Variants in BCL2L1 observed in about 807,000 individuals in gnomAD.
BCL2L1 encodes the protein BCL2 like 1, also known as bcl-2-like protein 1.
Under a neutral mutation model 18.7 loss-of-function variants are expected in BCL2L1, and 1 was observed. That is an observed-to-expected ratio of 0.05 (90% CI 0.02 to 0.25). The LOEUF (loss-of-function observed/expected upper bound fraction) is 0.25. BCL2L1 is among the 10% of genes least tolerant of loss of function. The pLI, the probability that BCL2L1 is intolerant of heterozygous loss-of-function variation, is 1.00. For missense variants in BCL2L1, 207 were observed against 304.9 expected (o/e 0.68, Z 2.39); for synonymous variants, 103 against 122.7 (o/e 0.84, Z 1.06).
upstream of BCL2L1, chr20:31,723,455 G>C (rs6121209): frequency 0.23 from 224,617 of 985,118 alleles, 29,146 homozygotes; most frequent in African/African-American, 0.53. Flanking sequence ...GAGGGCTCCG[G>C]GGCCGGGGGC....
At chr20:31,698,146 C>T (rs577756694) in intron 2 of BCL2L1, among the ~76,000 whole-genome samples, 1 of 152,246 alleles carries the variant, frequency 6.6e-6, no homozygotes, top group African/African-American at 2.4e-5. Flanking sequence ...CCTCGGCCTC[C>T]CAAAGTGCTG....
chr20:31,702,258 C>A (rs970104263), intron 2 of BCL2L1, among the ~76,000 whole-genome samples: 1 of 152,256 alleles, frequency 6.6e-6, no homozygotes, highest in East Asian at 1.9e-4. Flanking sequence ...GGAACCCATG[C>A]GGCTTGAGTG....
chr20:31,720,904 G>A (rs370449915), intron 2 of BCL2L1: 1 of 985,322 alleles, frequency 1.0e-6, no homozygotes, highest in Non-Finnish European at 1.2e-6. Context: ...AGCAGCTGGA[G>A]CTCCCCAACC....
At chr20:31,685,269 G>A (rs1034062564) in intron 2 of BCL2L1, among the ~76,000 whole-genome samples, 5 of 152,012 alleles carry the variant, frequency 3.3e-5, no homozygotes, top group South Asian at 2.1e-4. Context: ...GCGTGGTGGC[G>A]GGTGTCTGTA....
chr20:31,693,064 G>A (rs1301392537), intron 2 of BCL2L1, among the ~76,000 whole-genome samples: 2 of 139,848 alleles, frequency 1.4e-5, no homozygotes, highest in East Asian at 2.1e-4. Flanking sequence ...AAGTGGGACC[G>A]TCTCAAAAAA....
chr20:31,668,252 C>T (rs959133487), intron 2 of BCL2L1, among the ~76,000 whole-genome samples: 1 of 152,066 alleles, frequency 6.6e-6, no homozygotes, highest in African/African-American at 2.4e-5. Flanking sequence ...CCCTGACTGC[C>T]TTGTCTAAAA....
intron 2 of BCL2L1, among the ~76,000 whole-genome samples, chr20:31,669,585 G>A (rs192344725): frequency 4.3e-4 from 65 of 151,370 alleles, no homozygotes; most frequent in African/African-American, 1.5e-3. Flanking sequence ...CCCGAGTAGC[G>A]CCTGCCACCA....
rs1473923011 is a variant in BCL2L1, at chr20:31,675,726, G to A, written c.565-9640C>T. On this transcript the variant is annotated intron_variant, in intron 2 of 2. Transcript: ENST00000307677. ...CTCAGTCCAGCCGGCCCAGGTATGG[G>A]TGGGTGCCACAGCAAGCCTTTTGGC... 2.6e-5 allele frequency among the ~76,000 whole-genome samples: 4 copies of A among 152,294 alleles called. 1 individual carries two copies. The South Asian group carries it at 6.2e-4, about 24-fold the overall frequency.
chr20:31,717,487 G>A (rs1297024926), intron 2 of BCL2L1, among the ~76,000 whole-genome samples: 1 of 152,186 alleles, frequency 6.6e-6, no homozygotes, highest in Non-Finnish European at 1.5e-5. Context: ...ACCCTGTGAT[G>A]GTAACAGAAT....
In BCL2L1 at chr20:31,722,323, A is replaced by G. The variant is rs2061648672; in HGVS notation, c.-105T>C. 1 of 868,702 alleles carries G rather than the reference A, an allele frequency of 1.2e-6. No individual in the cohort carries two copies. Among genetic ancestry groups the G allele is most frequent in the Admixed American group, 3.2e-5 (1 of 31,086 alleles). The allele number at this position is 868,702 out of a possible 1,614,324, so 53.8% of individuals were successfully genotyped here. On this transcript the variant is annotated 5_prime_UTR_variant, in exon 2 of 3. Coordinates refer to ENST00000307677, the MANE Select transcript of BCL2L1 (RefSeq NM_138578.3). ...TTCTCTTCTAAGATCCAAAGCCAAG[A>G]TAAGATTCTGAAGGGAGAGAAAGAG...
chr20:31,665,026 AGCT>A lies in BCL2L1; in HGVS notation c.*920_*922del, dbSNP rs1272868134. On this transcript the variant is annotated 3_prime_UTR_variant, in exon 3 of 3. Transcript: ENST00000307677. ...GTAGGGAAGACCCTGGGGCTCCCAT[AGCT>A]GTTCCTGATAGCTCCCTTTCACCTC... The A allele has an allele frequency of 2.1e-5, 4 of 192,064 alleles. No homozygotes were observed. The highest frequency in any genetic ancestry group is 9.3e-5 in the African/African-American group (4 of 43,066). 11.9% of individuals were successfully genotyped at this position (192,064 alleles called of 1,614,324 possible).
intron 2 of BCL2L1, among the ~76,000 whole-genome samples, chr20:31,708,700 G>A (rs1448969139): frequency 6.6e-6 from 1 of 152,234 alleles, no homozygotes; most frequent in Non-Finnish European, 1.5e-5. Context: ...CTCTTGGGCA[G>A]GAGGTACCTG....
rs115466009 is a variant in BCL2L1, at chr20:31,721,182, T to A, written c.564+473A>T. Among the ~76,000 whole-genome samples the A allele has an allele frequency of 2.3e-3, 350 of 152,278 alleles. 1 individual carries two copies. The highest frequency in any genetic ancestry group is 4.0e-3 in the Non-Finnish European group (271 of 68,016). On this transcript the variant is annotated intron_variant, in intron 2 of 2. Transcript: ENST00000307677. ...AACTTTGAAATAAAGGGAACTTGAT[T>A]TGGGGGAGAGAAGCCCAGGATAGGA...
chr20:31,723,349 A>G, upstream of BCL2L1: 1 of 985,462 alleles, frequency 1.0e-6, no homozygotes, highest in Non-Finnish European at 1.2e-6. Flanking sequence ...GCCTCTCCTC[A>G]GGTCAGGAAG....
upstream of BCL2L1, chr20:31,723,810 G>A (rs1334388023): frequency 1.4e-5 from 14 of 985,328 alleles, no homozygotes; most frequent in African/African-American, 3.5e-5. Flanking sequence ...AGAGCTCTTC[G>A]CGGCCGAGTT....
At chr20:31,723,156 G>C, upstream of BCL2L1, 1 of 393,664 alleles carries the variant, frequency 2.5e-6, no homozygotes, top group Non-Finnish European at 3.5e-6. Flanking sequence ...CTTTGGGAAG[G>C]CCACCCCCAG....
chr20:31,692,908 C>A (rs542336185), intron 2 of BCL2L1, among the ~76,000 whole-genome samples: 1 of 150,410 alleles, frequency 6.6e-6, no homozygotes, highest in Non-Finnish European at 1.5e-5. Context: ...GAGACTCGGT[C>A]TTAAAAAAAA....
At chr20:31,698,866 A>AG (rs1160498874) in intron 2 of BCL2L1, among the ~76,000 whole-genome samples, 5 of 152,160 alleles carry the variant, frequency 3.3e-5, no homozygotes, top group Admixed American at 3.3e-4. Context: ...TAGTGAGTCA[A>AG]GGGGAGATCT....
intron 2 of BCL2L1, among the ~76,000 whole-genome samples, chr20:31,690,847 T>C (rs1050414435): frequency 2.0e-5 from 3 of 152,008 alleles, no homozygotes; most frequent in African/African-American, 7.2e-5. Flanking sequence ...CTTTGTTCAT[T>C]ATGAGATATT....
Sources: allele counts gnomAD v4.1 joint callset (sites outside exome capture counted in the v4.1 genomes callset), GRCh38; gene constraint gnomAD v4.1.1; transcripts MANE v1.5; gene names NCBI Gene and HGNC (gene_info 2026-07-23, HGNC 2026-07-21).